The following SORT1 variants were observed in gnomAD, a reference collection of about 807,000 sequenced individuals.
The protein encoded by SORT1 is sortilin.
Under a neutral mutation model 101.7 loss-of-function variants are expected in SORT1, and 39 were observed. The ratio of observed to expected loss-of-function variants is 0.38; its 90% CI spans 0.30 to 0.50. The LOEUF (loss-of-function observed/expected upper bound fraction) is 0.50. SORT1 is among the 20% of genes least tolerant of loss of function. The pLI, the probability that SORT1 is intolerant of heterozygous loss-of-function variation, is 0.90. For synonymous variants in SORT1, 396 were observed against 393.7 expected (o/e 1.01, Z -0.07); for missense variants, 878 against 1,040.4 (o/e 0.84, Z 2.15).
intron 1 of SORT1, among the ~76,000 whole-genome samples, chr1:109,387,681 G>A (rs147075977): frequency 1.4e-3 from 219 of 152,190 alleles, no homozygotes; most frequent in African/African-American, 5.2e-3. Context: ...TGGGCTGGGC[G>A]CGGTGGCTCA....
At chr1:109,378,218 C>G (rs916132187) in intron 1 of SORT1, among the ~76,000 whole-genome samples, 1 of 151,868 alleles carries the variant, frequency 6.6e-6, no homozygotes, top group Non-Finnish European at 1.5e-5. Flanking sequence ...GTCTGGAAAA[C>G]AGAGAGAGAC....
intron 13 of SORT1, among the ~76,000 whole-genome samples, chr1:109,326,284 C>T (rs927193642): frequency 1.1e-4 from 17 of 147,904 alleles, no homozygotes; most frequent in African/African-American, 4.0e-4. Context: ...AACTCTTGGG[C>T]TCAAGCAATC....
chr1:109,329,809 G>T (rs934168036), intron 11 of SORT1, among the ~76,000 whole-genome samples: 8 of 152,166 alleles, frequency 5.3e-5, no homozygotes, highest in Non-Finnish European at 1.2e-4. Flanking sequence ...CATCCAGACA[G>T]AAAACCAGTA....
Position 109,311,412 on chromosome 1 carries a change from C to A in SORT1, c.*2631G>T, listed in dbSNP as rs990959814. ...AATTAGAAATCTATTTTTTTAGAAG[C>A]TGTAACAGATTTGGGCTTTCTTACT... On this transcript the variant is annotated 3_prime_UTR_variant, in exon 20 of 20. Transcript: ENST00000256637. 1.3e-5 allele frequency: 2 copies of A among 152,232 alleles called. No homozygotes were observed. The highest frequency in any genetic ancestry group is 2.9e-5 in the Non-Finnish European group (2 of 68,044). 9.4% of individuals were successfully genotyped at this position (152,232 alleles called of 1,614,324 possible).
rs747971943 is a variant in SORT1 at position 109,314,733 on chromosome 1, A to G, written c.2296T>C (p.Leu766=). ...SVPIILAIVG[L]MLVTVVAGVL... ...CCTGCTACGACTGTGACCAGCATCA[A>G]TCCCACGATGGCCAGGATAATTGGA... Residue 766 remains leucine (L), a synonymous_variant, in exon 18 of 20, where the codon TTG becomes CTG. Transcript: ENST00000256637. 6.2e-7 allele frequency: 1 copy of G among 1,611,762 alleles called. No individual in the cohort carries two copies. The highest frequency in any genetic ancestry group is 8.5e-7 in the Non-Finnish European group (1 of 1,177,848).
chr1:109,317,462 C>T lies in SORT1; in HGVS notation c.2141+391G>A, dbSNP rs1235252093. ...CATCACCAAAGAAAGTCCTATCAGA[C>T]AGAGCTCTCCCTGGCTGTGCCTAAA... On this transcript the variant is annotated intron_variant, in intron 16 of 19. Coordinates refer to ENST00000256637, the MANE Select transcript of SORT1 (RefSeq NM_002959.7). 2.0e-5 allele frequency among the ~76,000 whole-genome samples: 3 copies of T among 152,344 alleles called. No homozygotes were observed. The East Asian group carries it at 5.8e-4, about 29-fold the overall frequency.
Position 109,310,426 on chromosome 1 carries a change from T to C in SORT1, c.*3617A>G, listed in dbSNP as rs1570868065. Reference sequence around the variant, plus strand: ...GAGCTACCTGAGCTGGACAAACCCATGGCAGACAGAACAGAAAGTCTGGCA... The same window carrying C: ...GAGCTACCTGAGCTGGACAAACCCACGGCAGACAGAACAGAAAGTCTGGCA... On this transcript the variant is annotated 3_prime_UTR_variant, in exon 20 of 20. Coordinates refer to ENST00000256637, the MANE Select transcript of SORT1 (RefSeq NM_002959.7). 6.4e-6 allele frequency: 1 copy of C among 155,864 alleles called. No individual in the cohort carries two copies. Among genetic ancestry groups the C allele is most frequent in the Non-Finnish European group, 1.5e-5 (1 of 68,070 alleles). 9.7% of individuals were successfully genotyped at this position (155,864 alleles called of 1,614,324 possible). A position where few individuals can be genotyped will look rare whatever the true frequency, so the allele number is the denominator to read the frequency against.
intron 10 of SORT1, among the ~76,000 whole-genome samples, chr1:109,338,619 G>C (rs1570918385): frequency 6.6e-6 from 1 of 152,038 alleles, no homozygotes; most frequent in African/African-American, 2.4e-5. Flanking sequence ...TCAAATTCAG[G>C]CTTATTCTCA....
chr1:109,385,579 G>A (rs151139478), intron 1 of SORT1, among the ~76,000 whole-genome samples: 414 of 152,258 alleles, frequency 2.7e-3, no homozygotes, highest in Non-Finnish European at 4.5e-3. Flanking sequence ...TGACTGAGCC[G>A]AGAGAACCAT....
rs1247696509 is a variant in SORT1, at chr1:109,310,928, C to T, written c.*3115G>A. 6.6e-6 allele frequency: 1 copy of T among 152,142 alleles called. No homozygotes were observed. Among genetic ancestry groups the T allele is most frequent in the Non-Finnish European group, 1.5e-5 (1 of 68,074 alleles). 9.4% of individuals were successfully genotyped at this position (152,142 alleles called of 1,614,324 possible). A position where few individuals can be genotyped will look rare whatever the true frequency, so the allele number is the denominator to read the frequency against. ...TACCAGCCTGTCAAGGATGAAAGAC[C>T]ACCTTGGGCATGGAGAGGCCCAGAG... On this transcript the variant is annotated 3_prime_UTR_variant, in exon 20 of 20. Coordinates refer to ENST00000256637, the MANE Select transcript of SORT1 (RefSeq NM_002959.7).
At chr1:109,338,334 GGAGGT>G (rs1648979215) in intron 10 of SORT1, among the ~76,000 whole-genome samples, 1 of 152,182 alleles carries the variant, frequency 6.6e-6, no homozygotes, top group Non-Finnish European at 1.5e-5. Context: ...GAGAAGCGCT[GGAGGT>G]GAGTCAGGGA....
chr1:109,393,305 A>G, intron 1 of SORT1: 2 of 985,332 alleles, frequency 2.0e-6, no homozygotes, highest in Non-Finnish European at 2.4e-6. Context: ...TGACAGGAGC[A>G]GAGGGAGGAC....
intron 6 of SORT1, among the ~76,000 whole-genome samples, chr1:109,350,619 T>C (rs191033297): frequency 1.3e-5 from 2 of 152,342 alleles, no homozygotes; most frequent in African/African-American, 4.8e-5. Context: ...ATTAAAGCTA[T>C]ATTTTATTGT....
intron 1 of SORT1, among the ~76,000 whole-genome samples, chr1:109,395,172 G>A (rs1317113672): frequency 1.4e-5 from 2 of 139,356 alleles, no homozygotes; most frequent in Admixed American, 1.5e-4. Flanking sequence ...TGAGATCTCT[G>A]AAGAAGAGAC....
intron 3 of SORT1, among the ~76,000 whole-genome samples, chr1:109,363,490 T>C (rs1650879252): frequency 1.3e-5 from 2 of 152,150 alleles, no homozygotes. Context: ...CAGAAACATA[T>C]GTATACACAC....
intron 13 of SORT1, among the ~76,000 whole-genome samples, chr1:109,326,407 A>G (rs1467768811): frequency 7.2e-6 from 1 of 138,380 alleles, no homozygotes; most frequent in African/African-American, 2.7e-5. Flanking sequence ...ACGCTTCCAT[A>G]ATAATTTTGT....
intron 1 of SORT1, among the ~76,000 whole-genome samples, chr1:109,390,752 A>AGTGTGTGT (rs749381586): frequency 2.3e-4 from 33 of 144,512 alleles, no homozygotes; most frequent in African/African-American, 7.7e-4. Context: ...AATATTAGAA[A>AGTGTGTGT]GTGTGTGTGT....
In SORT1 at chr1:109,367,231, AAAC is replaced by A. The variant is rs368734568; in HGVS notation, c.440+174_440+176del. 3.1e-3 allele frequency: 1,572 copies of A among 508,134 alleles called. 14 individuals are homozygous for A. Among genetic ancestry groups the A allele is most frequent in the East Asian group, 0.027 (840 of 31,554 alleles). 31.5% of individuals were successfully genotyped at this position (508,134 alleles called of 1,614,324 possible). A position where few individuals can be genotyped will look rare whatever the true frequency, so the allele number is the denominator to read the frequency against. On this transcript the variant is annotated intron_variant, in intron 3 of 19. Coordinates refer to ENST00000256637, the MANE Select transcript of SORT1 (RefSeq NM_002959.7). ...GACAAGAGTGAGACCCTGTCTCAAA[AAAC>A]AACAACAACAACAACAACAAAAACA...
rs562188643 is a variant in SORT1, at chr1:109,312,956, A to G, written c.*1087T>C. On this transcript the variant is annotated 3_prime_UTR_variant, in exon 20 of 20. Transcript: ENST00000256637. ...AAGGAAAGCCTGGTAATAAAATTCT[A>G]ATTTTTTAAGTCTATAAATCTGAAA... 2 of 152,290 alleles carry G rather than the reference A, an allele frequency of 1.3e-5. No individual in the cohort carries two copies. Among genetic ancestry groups the G allele is most frequent in the South Asian group, 2.1e-4 (1 of 4,822 alleles). The allele number at this position is 152,290 out of a possible 1,614,324, so 9.4% of individuals were successfully genotyped here. A position where few individuals can be genotyped will look rare whatever the true frequency, so the allele number is the denominator to read the frequency against.
Sources: gnomAD v4.1 joint callset for allele counts (sites outside exome capture counted in the v4.1 genomes callset) on GRCh38, gnomAD v4.1.1 for gene constraint, MANE v1.5 for transcripts, NCBI Gene and HGNC (gene_info 2026-07-23, HGNC 2026-07-21) for gene names.